TEX101: variants seen among roughly 807,000 people sequenced by gnomAD.
TEX101 encodes testis expressed 101, also known as testis-expressed protein 101.
TEX101 carries 10 observed loss-of-function variants against 18.1 expected under a neutral mutation model. That is an observed-to-expected ratio of 0.55 (90% CI 0.34 to 0.94). The LOEUF (loss-of-function observed/expected upper bound fraction) is 0.94, where lower values mean the gene tolerates loss of function less well. Ranked by LOEUF, TEX101 falls within the 40% of genes least tolerant of loss-of-function variation. TEX101 has a pLI of 0.02. For synonymous variants in TEX101, 94 were observed against 114.8 expected (o/e 0.82, Z 1.16); for missense variants, 259 against 298.9 (o/e 0.87, Z 0.98).
chr19:43,411,868 G>A (rs1331538647), upstream of TEX101, among the ~76,000 whole-genome samples: 4 of 152,070 alleles, frequency 2.6e-5, no homozygotes, highest in East Asian at 7.7e-4. Context: ...TGAAGGTCAG[G>A]CTGGTCTCAA....
upstream of TEX101, among the ~76,000 whole-genome samples, chr19:43,397,769 C>A (rs937225206): frequency 3.2e-5 from 4 of 125,656 alleles, no homozygotes; most frequent in South Asian, 9.1e-4. Context: ...TGCAAAATAT[C>A]TTTTCCATGT....
chr19:43,401,426 G>A (rs569631209), upstream of TEX101: 1 of 152,352 alleles, frequency 6.6e-6, no homozygotes, highest in East Asian at 1.9e-4. Flanking sequence ...CACATTCTTT[G>A]TAATGGTTCA....
Position 43,408,497 on chromosome 19 carries a change from A to AAAATAAAT in TEX101, c.15+1991_15+1998dup, listed in dbSNP as rs149674380. The stretch of plus-strand genomic sequence containing the variant: ...CGCCCTTGCACGCCTCCTCCTCTTA[A>AAAATAAAT]AAATAAATAAATAAATAAATGGCGA... On this transcript the variant is annotated intron_variant, in intron 3 of 7. Transcript: ENST00000602198. Among the ~76,000 whole-genome samples, 7 of 152,082 alleles carry AAAATAAAT rather than the reference A, an allele frequency of 4.6e-5. No individual in the cohort carries two copies. The East Asian group carries it at 1.2e-3, about 26-fold the overall frequency.
chr19:43,408,550 G>A (rs1315357318), intron 3 of TEX101, among the ~76,000 whole-genome samples: 1 of 152,110 alleles, frequency 6.6e-6, no homozygotes, highest in African/African-American at 2.4e-5. Context: ...ATGTTTTAGT[G>A]CTGTGCGTGC....
At position 43,418,260 on chromosome 19, in the gene TEX101, G is replaced by T. The variant is rs1371862350; in HGVS notation, c.613G>T (p.Val205Leu). ...SGILAVGPMF[V>L]REACPHQLLT... Reference sequence around the variant, plus strand: ...AATCTTAGCAGTAGGACCCATGTTTGTGAGGGAAGCGTGCCCACATCAGCT... The same window carrying T: ...AATCTTAGCAGTAGGACCCATGTTTTTGAGGGAAGCGTGCCCACATCAGCT... Residue 205 changes from valine to leucine, a missense_variant, in exon 6 of 6, where the codon GTG becomes TTG. Val to Leu is a conservative substitution (Grantham distance 32, BLOSUM62 1). Transcript: ENST00000598265. 6.2e-7 allele frequency: 1 copy of T among 1,614,114 alleles called. No individual in the cohort carries two copies. The highest frequency in any genetic ancestry group is 8.5e-7 in the Non-Finnish European group (1 of 1,180,046).
At chr19:43,404,947 G>T (rs1423021686) in intron 2 of TEX101, among the ~76,000 whole-genome samples, 2 of 152,054 alleles carry the variant, frequency 1.3e-5, no homozygotes. Flanking sequence ...GGAGAGAACT[G>T]ATCACAGATA....
chr19:43,391,417 T>C, the TEX101 span, among the ~76,000 whole-genome samples: 20,113 of 148,214 alleles, frequency 0.14, 1,603 homozygotes, highest in Non-Finnish European at 0.19. Flanking sequence ...TTTTTTTTTT[T>C]TTTTTTTTTT....
intron 2 of TEX101, among the ~76,000 whole-genome samples, chr19:43,404,745 A>G (rs1282696199): frequency 6.6e-6 from 1 of 151,446 alleles, no homozygotes. Flanking sequence ...AATAAATTAT[A>G]TATATGTTAG....
chr19:43,411,769 G>A (rs1456741496), upstream of TEX101, among the ~76,000 whole-genome samples: 2 of 151,992 alleles, frequency 1.3e-5, no homozygotes, highest in Non-Finnish European at 2.9e-5. Context: ...TCCTGCCTCA[G>A]CCTCCCAAGT....
chr19:43,414,642 T>TGGCAACGCACTGCCCACCC (rs1970451378), upstream of TEX101, among the ~76,000 whole-genome samples: 1 of 152,200 alleles, frequency 6.6e-6, no homozygotes, highest in African/African-American at 2.4e-5. Context: ...CGAGGCCATC[T>TGGCAACGCACTGCCCACCC]GGCAACGCAC....
Position 43,403,114 on chromosome 19 carries a change from T to C in TEX101, c.-283+255T>C, listed in dbSNP as rs558375590. Among the ~76,000 whole-genome samples, 42 of 152,288 alleles carry C rather than the reference T, an allele frequency of 2.8e-4. 1 individual carries two copies. The highest frequency in any genetic ancestry group is 2.1e-3 in the South Asian group (10 of 4,822). On this transcript the variant is annotated intron_variant, in intron 2 of 7. Transcript: ENST00000602198. The stretch of plus-strand genomic sequence containing the variant: ...GAGTTCTCAGAAAGCAGAATGTCTT[T>C]AATATCCCTCAGGTAGGATCTCACC...
chr19:43,409,922 T>G (rs1336206168), upstream of TEX101, among the ~76,000 whole-genome samples: 2 of 152,072 alleles, frequency 1.3e-5, no homozygotes, highest in Non-Finnish European at 2.9e-5. Flanking sequence ...GTTCCTGTAC[T>G]CCCACCCAAG....
At chr19:43,392,781 G>A in the TEX101 span, among the ~76,000 whole-genome samples, 6 of 152,132 alleles carry the variant, frequency 3.9e-5, no homozygotes, top group Admixed American at 3.3e-4. Flanking sequence ...AGAAGAGGCT[G>A]GAGTGGTGGC....
At chr19:43,392,218 G>T in the TEX101 span, among the ~76,000 whole-genome samples, 1 of 151,834 alleles carries the variant, frequency 6.6e-6, no homozygotes, top group African/African-American at 2.4e-5. Context: ...AGAGAAGGAG[G>T]GAGAGGAGAG....
upstream of TEX101, among the ~76,000 whole-genome samples, chr19:43,413,082 T>C (rs1319793527): frequency 6.6e-6 from 1 of 152,196 alleles, no homozygotes; most frequent in Non-Finnish European, 1.5e-5. Flanking sequence ...GTTCCAGACA[T>C]TATATGAAAA....
At chr19:43,398,566 A>G (rs149999752), upstream of TEX101, among the ~76,000 whole-genome samples, 54 of 152,202 alleles carry the variant, frequency 3.5e-4, no homozygotes, top group Middle Eastern at 6.8e-3. Flanking sequence ...AGCCCCATGT[A>G]TATTTTTAAA....
At chr19:43,394,145 CATA>C in the TEX101 span, among the ~76,000 whole-genome samples, 2 of 151,230 alleles carry the variant, frequency 1.3e-5, no homozygotes, top group Non-Finnish European at 3.0e-5. Flanking sequence ...CCTTGCTGAA[CATA>C]ATATTATACC....
upstream of TEX101, among the ~76,000 whole-genome samples, chr19:43,411,698 T>C (rs901924813): frequency 5.3e-5 from 8 of 152,090 alleles, no homozygotes; most frequent in African/African-American, 1.7e-4. Context: ...TTGCCCAGGC[T>C]GGAGTGCAAT....
chr19:43,397,665 T>G (rs972269150), upstream of TEX101, among the ~76,000 whole-genome samples: 3 of 149,444 alleles, frequency 2.0e-5, no homozygotes, highest in African/African-American at 7.4e-5. Context: ...CCAGAATGAC[T>G]AGCCCACAAT....
Sources: gnomAD v4.1 joint callset for allele counts (sites outside exome capture counted in the v4.1 genomes callset) on GRCh38, gnomAD v4.1.1 for gene constraint, MANE v1.5 for transcripts, NCBI Gene and HGNC (gene_info 2026-07-23, HGNC 2026-07-21) for gene names.